Variants in SEC24A observed in about 807,000 individuals in gnomAD.
SEC24A encodes SEC24 homolog A, COPII component.
Under a neutral mutation model 129.4 loss-of-function variants are expected in SEC24A, and 93 were observed. The ratio of observed to expected loss-of-function variants is 0.72; its 90% CI spans 0.61 to 0.85. The LOEUF (loss-of-function observed/expected upper bound fraction) is 0.85, where lower values mean the gene tolerates loss of function less well. Ranked by LOEUF, SEC24A falls within the 40% of genes least tolerant of loss-of-function variation. The pLI, the probability that SEC24A is intolerant of heterozygous loss-of-function variation, is 0.00. For missense variants in SEC24A, 1,264 were observed against 1,307.4 expected (o/e 0.97, Z 0.51); for synonymous variants, 460 against 467.3 (o/e 0.98, Z 0.20).
At chr5:134,685,352 C>A (rs1751414336) in intron 9 of SEC24A, among the ~76,000 whole-genome samples, 1 of 150,166 alleles carries the variant, frequency 6.7e-6, no homozygotes. Flanking sequence ...AGTGACAGAG[C>A]AACACCTTCT....
At chr5:134,682,255 G>T in intron 8 of SEC24A, 118 bp from the exon 9 acceptor site, 8 of 517,104 alleles carry the variant, frequency 1.5e-5, no homozygotes, top group Non-Finnish European at 1.4e-5. Context: ...AAAAAAAAAA[G>T]AAAATAATTG....
rs1156650780 is a variant in SEC24A at position 134,665,457 on chromosome 5, G to GA, written c.566-1351dup. On this transcript the variant is annotated intron_variant, in intron 2 of 22. Transcript: ENST00000398844. ...GGGACAAGAGTGAGACTTCGTCTCAGAAAAAAAAAAAAAAAGTGTTCCTTC... is the reference window on the plus strand; with the variant it reads ...GGGACAAGAGTGAGACTTCGTCTCAGAAAAAAAAAAAAAAAAGTGTTCCTTC... 3.4e-3 allele frequency among the ~76,000 whole-genome samples: 418 copies of GA among 124,642 alleles called. 1 individual carries two copies. The highest frequency in any genetic ancestry group is 0.013 in the Middle Eastern group (3 of 230). 81.8% of individuals were successfully genotyped at this position (124,642 alleles called of 152,430 possible). A position where few individuals can be genotyped will look rare whatever the true frequency, so the allele number is the denominator to read the frequency against.
intron 19 of SEC24A, among the ~76,000 whole-genome samples, chr5:134,717,258 CT>C (rs1261297881): frequency 6.6e-6 from 1 of 151,978 alleles, no homozygotes; most frequent in African/African-American, 2.4e-5. Flanking sequence ...AATCCCAGCA[CT>C]TTGGGAGGCC....
In SEC24A at chr5:134,661,733, G is replaced by A. The variant is rs935565184; in HGVS notation, c.565+147G>A. ...AGTTTTTTGTTGTTTTTTGTTTTTCGGCTTTCCAGCAAAAACCAGAAAGCC... is the reference window on the plus strand; with the variant it reads ...AGTTTTTTGTTGTTTTTTGTTTTTCAGCTTTCCAGCAAAAACCAGAAAGCC... On this transcript the variant is annotated intron_variant, in intron 2 of 22. Transcript: ENST00000398844. 85 of 721,214 alleles carry A rather than the reference G, an allele frequency of 1.2e-4. No individual in the cohort carries two copies. In the East Asian group the frequency reaches 2.0e-3, roughly 17 times the overall value. 44.7% of individuals were successfully genotyped at this position (721,214 alleles called of 1,614,324 possible). A position where few individuals can be genotyped will look rare whatever the true frequency, so the allele number is the denominator to read the frequency against.
chr5:134,656,778 C>CTT (rs1278303639), intron 1 of SEC24A, among the ~76,000 whole-genome samples: 44 of 132,474 alleles, frequency 3.3e-4, no homozygotes, highest in Middle Eastern at 8.1e-3. Flanking sequence ...CTGCATCCGA[C>CTT]TTTTTTTTTT....
intron 15 of SEC24A, among the ~76,000 whole-genome samples, chr5:134,698,579 G>T (rs998735633): frequency 6.7e-6 from 1 of 149,580 alleles, no homozygotes; most frequent in African/African-American, 2.5e-5. Flanking sequence ...CTGCACTCCG[G>T]CCTGGGCAAC....
intron 19 of SEC24A, chr5:134,715,551 A>C (rs1175872968): frequency 6.1e-6 from 1 of 164,234 alleles, no homozygotes; most frequent in South Asian, 1.7e-4. Flanking sequence ...CCCCTTGTAC[A>C]AGGATGACAC....
At chr5:134,675,006 T>C (rs1163477175) in intron 5 of SEC24A, 39 bp from the exon 6 acceptor site, 1 of 1,491,118 alleles carries the variant, frequency 6.7e-7, no homozygotes, top group East Asian at 2.3e-5. Context: ...CCCTACACAC[T>C]TAATAAAAGT....
rs374890178 is a variant in SEC24A, at chr5:134,705,373, G to C, written c.2487G>C (p.Ser829=). The C allele has an allele frequency of 2.2e-5, 35 of 1,613,270 alleles. No homozygotes were observed. The Middle Eastern group carries it at 1.2e-3, about 53-fold the overall frequency. Residue 829 remains serine (S), a synonymous_variant, in exon 17 of 23, where the codon TCG becomes TCC. Coordinates refer to ENST00000398844, the MANE Select transcript of SEC24A (RefSeq NM_021982.3). ...RVHTLCLPVV[S]TLNDVFLGAD... is the part of the protein sequence containing the mutation. ...ATACTTTGTGTTTGCCAGTAGTTTC[G>C]ACTCTGAATGATGTCTTTCTTGGAG...
chr5:134,649,551 G>C (rs953768526), intron 1 of SEC24A, among the ~76,000 whole-genome samples: 2 of 152,078 alleles, frequency 1.3e-5, no homozygotes, highest in South Asian at 2.1e-4. Flanking sequence ...GATTCTTCTG[G>C]GTTCCGCAGG....
chr5:134,672,894 C>G (rs1321312088), intron 4 of SEC24A, among the ~76,000 whole-genome samples: 1 of 151,576 alleles, frequency 6.6e-6, no homozygotes, highest in South Asian at 2.1e-4. Context: ...TGGTACCATG[C>G]CAGGCTAGTT....
At chr5:134,662,540 A>C (rs1750510575) in intron 2 of SEC24A, among the ~76,000 whole-genome samples, 1 of 152,152 alleles carries the variant, frequency 6.6e-6, no homozygotes, top group Non-Finnish European at 1.5e-5. Flanking sequence ...TAGGCTTCCA[A>C]GTGAAATAGT....
chr5:134,724,869 T>C, intron 22 of SEC24A, 111 bp from the exon 23 acceptor site: 1 of 637,620 alleles, frequency 1.6e-6, no homozygotes, highest in Non-Finnish European at 2.8e-6. Flanking sequence ...CCTCTAGAAG[T>C]AACTGTTTAT....
rs537612212 is a variant in SEC24A, at chr5:134,661,868, C to G, written c.565+282C>G. On this transcript the variant is annotated intron_variant, in intron 2 of 22. Coordinates refer to ENST00000398844, the MANE Select transcript of SEC24A (RefSeq NM_021982.3). ...ATGGGGTCTTGCTCTGTCACCCAGG[C>G]TGGAAAGCAGTGGCACAATCTCAGC... Among the ~76,000 whole-genome samples the G allele has an allele frequency of 3.1e-5, 4 of 129,752 alleles. No individual in the cohort carries two copies. In the South Asian group the frequency reaches 9.3e-4, roughly 30 times the overall value. The allele number at this position is 129,752 out of a possible 152,430, so 85.1% of individuals were successfully genotyped here. A position where few individuals can be genotyped will look rare whatever the true frequency, so the allele number is the denominator to read the frequency against.
intron 12 of SEC24A, 166 bp from the exon 13 acceptor site, chr5:134,693,561 G>C: frequency 7.0e-7 from 1 of 1,430,916 alleles, no homozygotes; most frequent in Non-Finnish European, 9.1e-7. Flanking sequence ...TTATAATGTT[G>C]ACTTAAAATG....
chr5:134,721,230 C>T lies in SEC24A; in HGVS notation c.3063+140C>T, dbSNP rs556923090. ...TGATGGGTTTTCATGTTGATGGATT[C>T]TATGACTCCACTCATAGAATCATTA... On this transcript the variant is annotated intron_variant, in intron 21 of 22. Transcript: ENST00000398844. 327 of 595,574 alleles carry T rather than the reference C, an allele frequency of 5.5e-4. 4 individuals carry two copies. The South Asian group carries it at 6.7e-3, about 12-fold the overall frequency. 36.9% of individuals were successfully genotyped at this position (595,574 alleles called of 1,614,324 possible). A position where few individuals can be genotyped will look rare whatever the true frequency, so the allele number is the denominator to read the frequency against.
At chr5:134,674,503 C>A in intron 4 of SEC24A, 112 bp from the exon 5 acceptor site, 1 of 940,516 alleles carries the variant, frequency 1.1e-6, no homozygotes, top group Non-Finnish European at 1.6e-6. Context: ...CACCACTGCA[C>A]TGCAGCCTGG....
chr5:134,684,718 AC>A (rs1259889367), intron 9 of SEC24A, among the ~76,000 whole-genome samples: 4 of 152,052 alleles, frequency 2.6e-5, no homozygotes. Flanking sequence ...ATCTCAAAAA[AC>A]AAAAAAGAAA....
At chr5:134,701,818 C>T (rs907296374) in intron 15 of SEC24A, among the ~76,000 whole-genome samples, 1 of 152,074 alleles carries the variant, frequency 6.6e-6, no homozygotes, top group African/African-American at 2.4e-5. Flanking sequence ...CACCCTCTTT[C>T]TAGAGTGCTT....
Sources: gnomAD v4.1 joint callset for allele counts (sites outside exome capture counted in the v4.1 genomes callset) on GRCh38, gnomAD v4.1.1 for gene constraint, MANE v1.5 for transcripts, NCBI Gene and HGNC (gene_info 2026-07-23, HGNC 2026-07-21) for gene names.